Variants in RECQL5 observed in about 807,000 individuals in gnomAD.
RECQL5 encodes RecQ like helicase 5, also known as ATP-dependent DNA helicase Q5.
In RECQL5, 88 loss-of-function variants were observed where a neutral mutation model predicts 103.4. The ratio of observed to expected loss-of-function variants is 0.85; its 90% CI spans 0.72 to 1.02. RECQL5 has a LOEUF of 1.02. Ranked by LOEUF, RECQL5 falls within the 50% of genes least tolerant of loss-of-function variation. The pLI is 0.00. For missense variants in RECQL5, 1,232 were observed against 1,284.3 expected (o/e 0.96, Z 0.62); for synonymous variants, 552 against 507.9 (o/e 1.09, Z -1.17).
intron 8 of RECQL5, chr17:75,649,968 G>A (rs373138396): frequency 2.2e-5 from 22 of 985,452 alleles, no homozygotes; most frequent in Admixed American, 6.1e-5. Context: ...CCTGGCAGGC[G>A]GAGCAGACCC....
In RECQL5 at chr17:75,661,845, G is replaced by C. The variant is rs1323921834; in HGVS notation, c.772-137C>G. 4.9e-6 allele frequency: 3 copies of C among 617,940 alleles called. No homozygotes were observed. In the African/African-American group the frequency reaches 5.5e-5, roughly 11 times the overall value. 38.3% of individuals were successfully genotyped at this position (617,940 alleles called of 1,614,324 possible). On this transcript the variant is annotated intron_variant, in intron 4 of 19. Transcript: ENST00000317905. ...AGTCTCTTCTGAGGCAGGACACCCAGTGAGGCTCTGTCACTTTATAAAAAG... is the reference window on the plus strand; with the variant it reads ...AGTCTCTTCTGAGGCAGGACACCCACTGAGGCTCTGTCACTTTATAAAAAG...
chr17:75,654,562 T>A (rs1349998093), intron 7 of RECQL5, among the ~76,000 whole-genome samples: 4 of 152,234 alleles, frequency 2.6e-5, no homozygotes, highest in Non-Finnish European at 5.9e-5. Flanking sequence ...CTTTGTTATC[T>A]GAAGATGTCT....
chr17:75,641,886 T>C (rs997557968), intron 8 of RECQL5, among the ~76,000 whole-genome samples: 1 of 152,150 alleles, frequency 6.6e-6, no homozygotes, highest in East Asian at 1.9e-4. Context: ...GTGACTCAAC[T>C]TCCCTAAGCC....
intron 8 of RECQL5, among the ~76,000 whole-genome samples, chr17:75,644,803 T>G (rs2059471068): frequency 1.4e-5 from 2 of 139,288 alleles, no homozygotes; most frequent in South Asian, 2.2e-4. Flanking sequence ...CACTCCAGCC[T>G]GGGCTACAGA....
chr17:75,662,018 G>A (rs903512140), intron 4 of RECQL5, among the ~76,000 whole-genome samples: 15 of 152,260 alleles, frequency 9.9e-5, no homozygotes, highest in East Asian at 1.9e-4. Context: ...AAAATTAACC[G>A]GGAGTGGTGG....
At chr17:75,628,092 G>C (rs2059135208) in intron 18 of RECQL5, 126 bp downstream of exon 18, 2 of 820,420 alleles carry the variant, frequency 2.4e-6, no homozygotes, top group East Asian at 5.3e-5. Context: ...CAGGCCCCAG[G>C]GAGGACGGGC....
chr17:75,663,287 C>T (rs1249427033), intron 3 of RECQL5, among the ~76,000 whole-genome samples: 2 of 151,962 alleles, frequency 1.3e-5, no homozygotes, highest in Admixed American at 6.6e-5. Context: ...TTTTCTTTCA[C>T]GTATACCTTA....
intron 7 of RECQL5, among the ~76,000 whole-genome samples, chr17:75,655,105 A>G (rs867063259): frequency 6.6e-6 from 1 of 152,110 alleles, no homozygotes; most frequent in Non-Finnish European, 1.5e-5. Flanking sequence ...ATTTTTAAAC[A>G]TGTCATTTGA....
intron 18 of RECQL5, 103 bp from the exon 19 acceptor site, chr17:75,627,795 G>A (rs1323713220): frequency 1.3e-5 from 13 of 967,536 alleles, no homozygotes; most frequent in East Asian, 1.1e-4. Flanking sequence ...CGAGGCGGGC[G>A]GATCATGAGG....
chr17:75,639,987 CTG>C (rs2059403401), intron 8 of RECQL5: 1 of 597,930 alleles, frequency 1.7e-6, no homozygotes, highest in African/African-American at 1.9e-5. Flanking sequence ...CCACCCTGAG[CTG>C]TGTCAGCTGG....
chr17:75,630,052 A>C (rs940408546), intron 14 of RECQL5, 132 bp downstream of exon 14: 13 of 934,214 alleles, frequency 1.4e-5, no homozygotes, highest in Non-Finnish European at 2.0e-5. Flanking sequence ...CTACCCCCAT[A>C]AACTGTCTCT....
intron 8 of RECQL5, among the ~76,000 whole-genome samples, chr17:75,632,643 G>A (rs1407622941): frequency 1.3e-5 from 2 of 152,202 alleles, no homozygotes; most frequent in African/African-American, 4.8e-5. Flanking sequence ...GGAGCAGGGA[G>A]CAGCCTCTGG....
chr17:75,659,329 G>C (rs1256111918), intron 6 of RECQL5, among the ~76,000 whole-genome samples: 1 of 152,152 alleles, frequency 6.6e-6, no homozygotes, highest in East Asian at 1.9e-4. Flanking sequence ...CAAAGTGCTA[G>C]GATTACAGGC....
In RECQL5 at chr17:75,629,096, G is replaced by A. The variant is rs750163342; in HGVS notation, c.2327C>T (p.Ala776Val). The change falls in exon 16 of 20, where the codon GCT becomes GTT. Residue 776 changes from alanine (A) to valine (V), a missense_variant. Ala to Val is a moderately conservative substitution (Grantham distance 64). Coordinates refer to ENST00000317905, the MANE Select transcript of RECQL5 (RefSeq NM_004259.7). Reference sequence around the variant, plus strand: ...TGCCTCTGGGGCTGATGCCAGCAGAGCTGGGCTTTCCACCCTTCGGCAGAA... The same window carrying A: ...TGCCTCTGGGGCTGATGCCAGCAGAACTGGGCTTTCCACCCTTCGGCAGAA... The part of the protein sequence containing the change: ...RFFCRRVESP[A>V]LLASAPEAEG... 1.9e-6 allele frequency: 3 copies of A among 1,613,658 alleles called. No individual in the cohort carries two copies. In the East Asian group the frequency reaches 6.7e-5, roughly 36 times the overall value.
rs2148229493 is a variant in RECQL5 at position 75,630,686 on chromosome 17, C to A, written c.1651G>T (p.Glu551Ter). 1 of 1,613,640 alleles carries A rather than the reference C, an allele frequency of 6.2e-7. No individual in the cohort carries two copies. Among genetic ancestry groups the A allele is most frequent in the Non-Finnish European group, 8.5e-7 (1 of 1,179,986 alleles). Reference protein sequence around the residue: ...RIPRLTVKAREHCLRLLEEAL... With the variant: ...RIPRLTVKAR ...TCCTCCAGAAGCCGCAGGCAGTGCT[C>A]CCGTGCCTGGCACAGGACAGTGAGA... Residue 551 changes from glutamate (E) to a stop codon, truncating the protein, a stop_gained, in exon 13 of 20, where the codon GAG becomes TAG. Coordinates refer to ENST00000317905, the MANE Select transcript of RECQL5 (RefSeq NM_004259.7). LOFTEE classifies it high-confidence loss of function.
chr17:75,650,082 C>T (rs1009429274), intron 8 of RECQL5: 66 of 985,628 alleles, frequency 6.7e-5, no homozygotes, highest in Non-Finnish European at 7.5e-5. Context: ...AACACTTGGC[C>T]CTTTCATTCC....
chr17:75,627,807 C>G (rs1004186265), intron 18 of RECQL5, 115 bp from the exon 19 acceptor site: 5 of 869,016 alleles, frequency 5.8e-6, no homozygotes, highest in South Asian at 3.1e-5. Flanking sequence ...ATCATGAGGT[C>G]AGGAGATCGA....
At chr17:75,660,904 C>A (rs779549309) in intron 6 of RECQL5, 51 bp downstream of exon 6, 6 of 1,370,858 alleles carry the variant, frequency 4.4e-6, no homozygotes, top group Non-Finnish European at 5.2e-6. Flanking sequence ...CTAGGCAATC[C>A]ACCCTGAGCC....
At chr17:75,654,776 T>C (rs766288744) in intron 7 of RECQL5, among the ~76,000 whole-genome samples, 8 of 151,988 alleles carry the variant, frequency 5.3e-5, no homozygotes, top group African/African-American at 1.4e-4. Flanking sequence ...CACATCACCA[T>C]GCTCAGCTAA....
Sources: gnomAD v4.1 joint callset for allele counts (sites outside exome capture counted in the v4.1 genomes callset) on GRCh38, gnomAD v4.1.1 for gene constraint, MANE v1.5 for transcripts, NCBI Gene and HGNC (gene_info 2026-07-23, HGNC 2026-07-21) for gene names.